RNF130: variants seen among roughly 807,000 people sequenced by gnomAD.
The protein encoded by RNF130 is E3 ubiquitin-protein ligase RNF130.
Under a neutral mutation model 44.6 loss-of-function variants are expected in RNF130, and 21 were observed. The observed-to-expected ratio is 0.47, with a 90% CI of 0.33 to 0.68. The LOEUF (loss-of-function observed/expected upper bound fraction) is 0.68. Among genes scored for constraint, RNF130 ranks in the 30% least tolerant of loss-of-function variants. The pLI is 0.02. For missense variants in RNF130, 479 were observed against 560.6 expected (o/e 0.85, Z 1.47); for synonymous variants, 214 against 210.4 (o/e 1.02, Z -0.15).
chr5:180,046,044 G>A (rs71613438), intron 1 of RNF130, among the ~76,000 whole-genome samples: 19,118 of 152,156 alleles, frequency 0.13, 1,360 homozygotes, highest in East Asian at 0.24. Context: ...GTGGACGGAG[G>A]GGGGTGGGGC....
downstream of RNF130, among the ~76,000 whole-genome samples, chr5:179,951,382 G>A (rs1449947998): frequency 8.4e-6 from 1 of 119,446 alleles, no homozygotes; most frequent in East Asian, 2.1e-4. Context: ...GAGCAGAATA[G>A]GTTTTTGTTT....
chr5:179,973,973 C>T (rs1158037008), intron 5 of RNF130, among the ~76,000 whole-genome samples: 1 of 152,108 alleles, frequency 6.6e-6, no homozygotes, highest in Non-Finnish European at 1.5e-5. Flanking sequence ...AATTCAGCGC[C>T]CTCCCCTTTC....
At position 180,071,654 on chromosome 5, in the gene RNF130, G is replaced by C. The variant is rs768575148; in HGVS notation, c.49C>G (p.Leu17Val). The stretch of plus-strand genomic sequence containing the variant: ...GCCGGCCACAGGCTGCAGGTCAGCA[G>C]GGCGAGCGCGGCGAGCCGGGCAGGG... Reference protein sequence around the residue: ...AGPARLAALALLTCSLWPARA... With the variant: ...AGPARLAALAVLTCSLWPARA... Residue 17 changes from leucine to valine, a missense_variant, in exon 1 of 9, where the codon CTG becomes GTG. Around this residue, in one of 3 missense-constraint regions of RNF130, gnomAD observed 138 missense variants for 126.9 expected, o/e 1.09. Transcript: ENST00000521389. The C allele has an allele frequency of 8.9e-6, 13 of 1,457,066 alleles. No individual in the cohort carries two copies. Among genetic ancestry groups the C allele is most frequent in the Non-Finnish European group, 9.1e-7 (1 of 1,103,486 alleles). The allele number at this position is 1,457,066 out of a possible 1,614,324, so 90.3% of individuals were successfully genotyped here.
chr5:179,954,316 T>G (rs1762168628), downstream of RNF130, among the ~76,000 whole-genome samples: 1 of 152,220 alleles, frequency 6.6e-6, no homozygotes, highest in African/African-American at 2.4e-5. Context: ...GCAACATTCA[T>G]AACAGCCGAA....
intron 7 of RNF130, 56 bp from the exon 8 acceptor site, chr5:179,963,620 G>C: frequency 8.2e-7 from 1 of 1,215,558 alleles, no homozygotes; most frequent in Non-Finnish European, 1.2e-6. Flanking sequence ...AAGTCAAATC[G>C]ATGCCAACAT....
At chr5:180,002,634 G>A (rs1763369911) in intron 3 of RNF130, among the ~76,000 whole-genome samples, 1 of 152,086 alleles carries the variant, frequency 6.6e-6, no homozygotes, top group Non-Finnish European at 1.5e-5. Flanking sequence ...AGGGGCTGCT[G>A]GGATCCTCTC....
rs750693660 is a variant in RNF130 at position 180,071,691 on chromosome 5, C to A, written c.12G>T (p.Ala4=). 1.2e-3 allele frequency: 1,680 copies of A among 1,378,510 alleles called. 6 individuals are homozygous for A. Among genetic ancestry groups the A allele is most frequent in the South Asian group, 5.3e-3 (329 of 62,570 alleles). The allele number at this position is 1,378,510 out of a possible 1,614,324, so 85.4% of individuals were successfully genotyped here. A position where few individuals can be genotyped will look rare whatever the true frequency, so the allele number is the denominator to read the frequency against. The change falls in exon 1 of 9, where the codon GCG becomes GCT. Residue 4 remains alanine (A), a synonymous_variant. Transcript: ENST00000521389. MSC[A]GRAGPARLAA... Reference sequence around the variant, plus strand: ...CGAGCCGGGCAGGGCCCGCCCGCCCCGCGCAGCTCATCGTCCCTCCGGCAG... The same window carrying A: ...CGAGCCGGGCAGGGCCCGCCCGCCCAGCGCAGCTCATCGTCCCTCCGGCAG...
chr5:179,916,551 A>T (rs1163351620), exon 8 of RNF130: 1 of 152,232 alleles, frequency 6.6e-6, no homozygotes, highest in African/African-American at 2.4e-5. Flanking sequence ...ACTCACTGGC[A>T]GCTGGGGCTG....
chr5:180,034,061 C>T lies in RNF130; in HGVS notation c.442+6392G>A, dbSNP rs555822888. Among the ~76,000 whole-genome samples, 9 of 151,366 alleles carry T rather than the reference C, an allele frequency of 5.9e-5. No individual in the cohort carries two copies. In the South Asian group the frequency reaches 1.9e-3, roughly 32 times the overall value. On this transcript the variant is annotated intron_variant, in intron 2 of 8. Coordinates refer to ENST00000521389, the MANE Select transcript of RNF130 (RefSeq NM_018434.6). ...TGGCTTTTCCACAGATGCCCTTTAT[C>T]AGGCTGAGGATATTTCCTAATGTGT...
chr5:179,961,156 G>A lies in RNF130; in HGVS notation c.1244+2315C>T, dbSNP rs114717950. 4.8e-3 allele frequency among the ~76,000 whole-genome samples: 727 copies of A among 151,278 alleles called. 6 individuals are homozygous for A. The highest frequency in any genetic ancestry group is 0.017 in the African/African-American group (687 of 41,228). On this transcript the variant is annotated intron_variant, in intron 8 of 8. Coordinates refer to ENST00000521389, the MANE Select transcript of RNF130 (RefSeq NM_018434.6). ...CATAAAAGCACAAATTGAAGAAGAC[G>A]TTGCCCCAGATTCTAAAGTAAGATA...
At chr5:180,055,453 C>CGTGTGTGTGT in intron 1 of RNF130, among the ~76,000 whole-genome samples, 1 of 91,862 alleles carries the variant, frequency 1.1e-5, no homozygotes, top group South Asian at 3.8e-4. Context: ...TGTGTGTGTG[C>CGTGTGTGTGT]GTGTGTGTGT....
downstream of RNF130, among the ~76,000 whole-genome samples, chr5:179,953,469 ACTCATATGTCATT>A (rs1468255567): frequency 6.6e-6 from 1 of 152,174 alleles, no homozygotes. Context: ...CCAGACATAA[ACTCATATGTCATT>A]CTCAATTGAT....
At chr5:179,958,044 A>G (rs932472892) in intron 8 of RNF130, among the ~76,000 whole-genome samples, 2 of 151,790 alleles carry the variant, frequency 1.3e-5, no homozygotes, top group African/African-American at 4.8e-5. Context: ...CGCCCGGCTA[A>G]TTTTTTGTAT....
At chr5:180,036,765 T>C (rs1039162801) in intron 2 of RNF130, among the ~76,000 whole-genome samples, 3 of 152,194 alleles carry the variant, frequency 2.0e-5, no homozygotes, top group African/African-American at 7.2e-5. Context: ...ACAAAGTTTT[T>C]CTCTAATGAT....
intron 7 of RNF130, among the ~76,000 whole-genome samples, chr5:179,948,960 A>C (rs2113687954): frequency 6.7e-6 from 1 of 148,454 alleles, no homozygotes; most frequent in African/African-American, 2.5e-5. Context: ...TCCTTGGAAT[A>C]ATTTTTTTTT....
Position 180,071,698 on chromosome 5 carries a change from C to T in RNF130, c.5G>A (p.Ser2Asn). ...GGCAGGGCCCGCCCGCCCCGCGCAG[C>T]TCATCGTCCCTCCGGCAGCCGCCGC... MSCAGRAGPARL... is the reference protein window; with the variant it reads MNCAGRAGPARL... Residue 2 changes from serine (S) to asparagine (N), a missense_variant, in exon 1 of 9, where the codon AGC becomes AAC. Around this residue, in one of 3 missense-constraint regions of RNF130, gnomAD observed 138 missense variants for 126.9 expected, o/e 1.09. Coordinates refer to ENST00000521389, the MANE Select transcript of RNF130 (RefSeq NM_018434.6). 1 of 1,336,082 alleles carries T rather than the reference C, an allele frequency of 7.5e-7. No individual in the cohort carries two copies. The highest frequency in any genetic ancestry group is 9.6e-7 in the Non-Finnish European group (1 of 1,041,162). The allele number at this position is 1,336,082 out of a possible 1,614,324, so 82.8% of individuals were successfully genotyped here.
At chr5:179,974,710 AAG>A (rs1304553614) in intron 5 of RNF130, among the ~76,000 whole-genome samples, 3 of 152,230 alleles carry the variant, frequency 2.0e-5, no homozygotes, top group Non-Finnish European at 2.9e-5. Flanking sequence ...ATGGCTTTGA[AAG>A]AGAGTTTTAA....
chr5:179,966,528 G>T (rs919369089), intron 7 of RNF130, among the ~76,000 whole-genome samples: 3 of 152,128 alleles, frequency 2.0e-5, no homozygotes, highest in Middle Eastern at 3.2e-3. Context: ...GTAATGCAAT[G>T]ATTTCAAAAC....
chr5:179,958,649 CGT>C (rs1762260901), intron 8 of RNF130, among the ~76,000 whole-genome samples: 1 of 152,086 alleles, frequency 6.6e-6, no homozygotes, highest in Admixed American at 6.5e-5. Context: ...CAAAGTGTCC[CGT>C]GTTTTGGACG....
Sources: allele counts gnomAD v4.1 joint callset (sites outside exome capture counted in the v4.1 genomes callset), GRCh38; gene constraint gnomAD v4.1.1; regional missense constraint gnomAD v4.1.1; transcripts MANE v1.5; gene names NCBI Gene and HGNC (gene_info 2026-07-23, HGNC 2026-07-21).